IFFO2: variants seen among roughly 807,000 people sequenced by gnomAD.
IFFO2 encodes the protein intermediate filament family orphan 2.
A neutral mutation model predicts 53.5 loss-of-function variants in IFFO2; 19 were observed. The observed-to-expected ratio is 0.36, with a 90% CI of 0.25 to 0.52. IFFO2 has a LOEUF of 0.52. Ranked by LOEUF, IFFO2 falls within the 20% of genes least tolerant of loss-of-function variation. The pLI, the probability that IFFO2 is intolerant of heterozygous loss-of-function variation, is 0.94. For missense variants in IFFO2, 570 were observed against 727.4 expected, an observed-to-expected ratio of 0.78 and a Z score of 2.49; for synonymous variants, 303 against 313.6, an observed-to-expected ratio of 0.97 and a Z score of 0.36.
chr1:18,930,628 G>A (rs1244639005), intron 1 of IFFO2, among the ~76,000 whole-genome samples: 1 of 152,228 alleles, frequency 6.6e-6, no homozygotes, highest in Non-Finnish European at 1.5e-5. Flanking sequence ...GTGGCAGCAG[G>A]TGGGTCCAGG....
intron 1 of IFFO2, among the ~76,000 whole-genome samples, chr1:18,954,815 T>C (rs1340006967): frequency 6.6e-6 from 1 of 152,242 alleles, no homozygotes. Context: ...TGGACCCCAG[T>C]TCTAGCCAGA....
intron 1 of IFFO2, among the ~76,000 whole-genome samples, chr1:18,942,524 T>C (rs998476558): frequency 6.6e-6 from 1 of 152,190 alleles, no homozygotes; most frequent in South Asian, 2.1e-4. Flanking sequence ...TCATCCCCAT[T>C]TTACAGATGA....
rs1299340253 is a variant in IFFO2 at position 18,919,025 on chromosome 1, G to A, written c.823-523C>T. On this transcript the variant is annotated intron_variant, in intron 3 of 8. Transcript: ENST00000455833. The surrounding 1 kb of genome is among the most constrained non-coding windows in gnomAD (Gnocchi z 4.9). ...TTCTACCAACCACACCCAGCTTCACGTCCCTCCACACCAGGAGCCATGCCA... is the reference window on the plus strand; with the variant it reads ...TTCTACCAACCACACCCAGCTTCACATCCCTCCACACCAGGAGCCATGCCA... Among the ~76,000 whole-genome samples, 1 of 152,046 alleles carries A rather than the reference G, an allele frequency of 6.6e-6. No individual in the cohort carries two copies.
At chr1:18,927,106 C>T (rs60196040) in intron 1 of IFFO2, among the ~76,000 whole-genome samples, 16,625 of 152,206 alleles carry the variant, frequency 0.11, 1,242 homozygotes, top group African/African-American at 0.21. Context: ...CACCCCCTTT[C>T]GAAGGTGGCT....
At chr1:18,938,924 C>T (rs1936485869) in intron 1 of IFFO2, among the ~76,000 whole-genome samples, 1 of 152,242 alleles carries the variant, frequency 6.6e-6, no homozygotes, top group Non-Finnish European at 1.5e-5. Flanking sequence ...TGGTTGGCCC[C>T]AGGGGCCGGG....
chr1:18,919,609 G>T lies in IFFO2; in HGVS notation c.822+69C>A. 9.6e-7 allele frequency: 1 copy of T among 1,044,644 alleles called. No individual in the cohort carries two copies. The highest frequency in any genetic ancestry group is 1.5e-6 in the Non-Finnish European group (1 of 685,354). The allele number at this position is 1,044,644 out of a possible 1,614,324, so 64.7% of individuals were successfully genotyped here. On this transcript the variant is annotated intron_variant, in intron 3 of 8. Transcript: ENST00000455833. The surrounding 1 kb of genome is among the most constrained non-coding windows in gnomAD (Gnocchi z 4.9). ...GAAGCCGAGCCCCGGAGCCTCGGAG[G>T]GAATGAAGCATTTTGCATGATGGGT...
At chr1:18,924,014 A>G (rs934082290) in intron 1 of IFFO2, among the ~76,000 whole-genome samples, 2 of 152,156 alleles carry the variant, frequency 1.3e-5, no homozygotes, top group Admixed American at 1.3e-4. Context: ...CCAAAGCCAG[A>G]CGGGGGAGGC....
chr1:18,956,320 G>T lies in IFFO2; in HGVS notation c.13C>A (p.Leu5Met). Reference sequence around the variant, plus strand: ...GCCAAGGCCATCTCCCCGAACAGCAGCGAGTTCACCATGCGCCGGCTGCGC... The same window carrying T: ...GCCAAGGCCATCTCCCCGAACAGCATCGAGTTCACCATGCGCCGGCTGCGC... MVNS[L>M]LFGEMALAFG... The change falls in exon 1 of 9, where the codon CTG becomes ATG. Residue 5 changes from leucine (L) to methionine (M), a missense_variant. Coordinates refer to ENST00000455833, the MANE Select transcript of IFFO2 (RefSeq NM_001136265.2). The surrounding 1 kb of genome is among the most constrained non-coding windows in gnomAD (Gnocchi z 6.4). 2.5e-6 allele frequency: 1 copy of T among 394,586 alleles called. No homozygotes were observed. The highest frequency in any genetic ancestry group is 3.8e-6 in the Non-Finnish European group (1 of 264,178). 24.4% of individuals were successfully genotyped at this position (394,586 alleles called of 1,614,324 possible).
chr1:18,943,939 C>A (rs1038936338), intron 1 of IFFO2, among the ~76,000 whole-genome samples: 2 of 152,200 alleles, frequency 1.3e-5, no homozygotes, highest in Non-Finnish European at 2.9e-5. Context: ...TGCTTCTCTG[C>A]TCCAAGTGCT....
rs1454654216 is a variant in IFFO2, at chr1:18,911,961, A to C, written c.1224+2T>G. The C allele has an allele frequency of 6.4e-7, 1 of 1,551,590 alleles. No individual in the cohort carries two copies. The highest frequency in any genetic ancestry group is 8.7e-7 in the Non-Finnish European group (1 of 1,146,948). On this transcript the variant is annotated splice_donor_variant, in intron 6 of 8. Transcript: ENST00000455833. LOFTEE classifies it high-confidence loss of function. The stretch of plus-strand genomic sequence containing the variant: ...CTTTGGGAAGCCAGGCGCTGGGCTT[A>C]CCTCGCCCTGCAGGTCGATGGTCGG...
At chr1:18,932,228 C>T (rs956890264) in intron 1 of IFFO2, among the ~76,000 whole-genome samples, 3 of 152,248 alleles carry the variant, frequency 2.0e-5, no homozygotes, top group South Asian at 2.1e-4. Flanking sequence ...GGAGGGTATA[C>T]ACAGGCTCCG....
At chr1:18,915,720 T>C (rs1296641054) in intron 5 of IFFO2, among the ~76,000 whole-genome samples, 4 of 152,178 alleles carry the variant, frequency 2.6e-5, no homozygotes, top group African/African-American at 9.7e-5. Flanking sequence ...GTGACATTTG[T>C]GAAGCCCCCT....
rs756786300 is a variant in IFFO2 at position 18,928,720 on chromosome 1, G to A, written c.666-7599C>T. Among the ~76,000 whole-genome samples the A allele has an allele frequency of 1.4e-4, 22 of 152,224 alleles. No homozygotes were observed. The highest frequency in any genetic ancestry group is 2.2e-4 in the Non-Finnish European group (15 of 68,044). On this transcript the variant is annotated intron_variant, in intron 1 of 8. Coordinates refer to ENST00000455833, the MANE Select transcript of IFFO2 (RefSeq NM_001136265.2). The surrounding 1 kb of genome is among the most constrained non-coding windows in gnomAD (Gnocchi z 4.9). Reference sequence around the variant, plus strand: ...AGGTCCTGGTTCATGCCCTGGCTGCGTTGCTAATTTGCTGCATGACCCTGA... The same window carrying A: ...AGGTCCTGGTTCATGCCCTGGCTGCATTGCTAATTTGCTGCATGACCCTGA...
intron 1 of IFFO2, among the ~76,000 whole-genome samples, chr1:18,925,389 A>G (rs1294571124): frequency 1.3e-5 from 2 of 152,094 alleles, no homozygotes; most frequent in African/African-American, 2.4e-5. Context: ...CCTCTTCCCC[A>G]GTGGCATGGT....
At chr1:18,923,608 G>A (rs993025646) in intron 1 of IFFO2, among the ~76,000 whole-genome samples, 8 of 152,206 alleles carry the variant, frequency 5.3e-5, no homozygotes, top group Admixed American at 2.6e-4. Flanking sequence ...AGCCCATCTT[G>A]CAGATGAGGG....
At position 18,911,453 on chromosome 1, in the gene IFFO2, C is replaced by T. The variant is rs978807228; in HGVS notation, c.1248G>A (p.Leu416=). The T allele has an allele frequency of 6.6e-7, 1 of 1,509,208 alleles. No homozygotes were observed. Among genetic ancestry groups the T allele is most frequent in the Admixed American group, 2.2e-5 (1 of 44,474 alleles). 93.5% of individuals were successfully genotyped at this position (1,509,208 alleles called of 1,614,324 possible). A position where few individuals can be genotyped will look rare whatever the true frequency, so the allele number is the denominator to read the frequency against. The part of the protein sequence containing the change: ...QGEQEENLGN[L]IHETESFFKT... ...TGAAGAAGGATTCGGTCTCATGGAT[C>T]AAGTTGCCCAAGTTTTCCTCTTGCT... Residue 416 remains leucine (L), a synonymous_variant, in exon 7 of 9, where the codon TTG becomes TTA. Transcript: ENST00000455833.
intron 1 of IFFO2, among the ~76,000 whole-genome samples, chr1:18,931,812 TC>T (rs1386210519): frequency 6.6e-6 from 1 of 152,194 alleles, no homozygotes; most frequent in Non-Finnish European, 1.5e-5. Flanking sequence ...TGGTGTCTCG[TC>T]GGCTCCATAA....
rs144039162 is a variant in IFFO2, at chr1:18,907,832, GTTGT to G, written c.*725_*728del. 5,710 of 152,380 alleles carry G rather than the reference GTTGT, an allele frequency of 0.037. 352 individuals are homozygous for G. Among genetic ancestry groups the G allele is most frequent in the African/African-American group, 0.13 (5,362 of 41,514 alleles). 9.4% of individuals were successfully genotyped at this position (152,380 alleles called of 1,614,324 possible). On this transcript the variant is annotated 3_prime_UTR_variant, in exon 9 of 9. Coordinates refer to ENST00000455833, the MANE Select transcript of IFFO2 (RefSeq NM_001136265.2). Reference sequence around the variant, plus strand: ...CAATGATATAAGGCAAGCTGCTTTTGTTGTTTGTTTTGTTTTTTGCATAGTAGTT... The same window carrying G: ...CAATGATATAAGGCAAGCTGCTTTTGTTGTTTTGTTTTTTGCATAGTAGTT...
At chr1:18,949,577 CA>C (rs1167626593) in intron 1 of IFFO2, among the ~76,000 whole-genome samples, 1 of 152,266 alleles carries the variant, frequency 6.6e-6, no homozygotes, top group Non-Finnish European at 1.5e-5. Flanking sequence ...ACTGCAAATG[CA>C]AAGCCCACAG....
Sources: gnomAD v4.1 joint callset for allele counts (sites outside exome capture counted in the v4.1 genomes callset) on GRCh38, gnomAD v4.1.1 for gene constraint, Gnocchi (gnomAD v3.1) non-coding constraint, MANE v1.5 for transcripts, NCBI Gene and HGNC (gene_info 2026-07-23, HGNC 2026-07-21) for gene names.